C5: variants seen among roughly 807,000 people sequenced by gnomAD.
The protein encoded by C5 is complement C5, also known as C3 and PZP-like alpha-2-macroglobulin domain-containing protein 4.
Under a neutral mutation model 218.8 loss-of-function variants are expected in C5, and 140 were observed. The ratio of observed to expected loss-of-function variants is 0.64; its 90% CI spans 0.56 to 0.74. The LOEUF is 0.74. Ranked by LOEUF, C5 falls within the 30% of genes least tolerant of loss-of-function variation. The pLI is 0.00. For missense variants in C5, 1,700 were observed against 1,969.6 expected (o/e 0.86, Z 2.59); for synonymous variants, 614 against 682.3 (o/e 0.90, Z 1.56).
chr9:121,033,239 G>A (rs936616146), intron 5 of C5, among the ~76,000 whole-genome samples: 1 of 152,120 alleles, frequency 6.6e-6, no homozygotes, highest in Admixed American at 6.5e-5. Context: ...TACAGACAAG[G>A]CCCACCTTAA....
In C5 at chr9:121,013,318, GAA is replaced by G. The variant is rs138938912; in HGVS notation, c.2257+553_2257+554del. On this transcript the variant is annotated intron_variant, in intron 17 of 40. Transcript: ENST00000223642. ...TGGGTGACAGAGCCAGATTCCTACT[GAA>G]AAAAAAAAAAAAAAAGACTATATAT... Among the ~76,000 whole-genome samples the G allele has an allele frequency of 4.2e-4, 42 of 99,228 alleles. No homozygotes were observed. In the South Asian group the frequency reaches 5.7e-3, roughly 13 times the overall value. The allele number at this position is 99,228 out of a possible 152,430, so 65.1% of individuals were successfully genotyped here.
chr9:120,958,076 A>G (rs1304020813), intron 38 of C5, among the ~76,000 whole-genome samples: 1 of 152,182 alleles, frequency 6.6e-6, no homozygotes, highest in East Asian at 1.9e-4. Context: ...TAGTGACCTA[A>G]AAGATTTGTT....
At chr9:121,016,203 G>C in intron 15 of C5, 51 bp downstream of exon 15, 1 of 1,609,528 alleles carries the variant, frequency 6.2e-7, no homozygotes, top group Non-Finnish European at 8.5e-7. Flanking sequence ...TGAGATCTGG[G>C]GGGCAAATGA....
rs776642102 is a variant in C5, at chr9:121,032,129, A to G, written c.651T>C (p.Phe217=). The change falls in exon 6 of 41, where the codon TTT becomes TTC. Residue 217 remains phenylalanine (F), a synonymous_variant. Coordinates refer to ENST00000223642, the MANE Select transcript of C5 (RefSeq NM_001735.3). The part of the protein sequence containing the change: ...EDFSTTGTAY[F]EVKEYVLPHF... ...AGAAATTACCATATTCTTTAACTTC[A>G]AAATATGCGGTTCCAGTTGTTGAAA... is the stretch of plus-strand genomic sequence containing the variant. 12 of 1,602,904 alleles carry G rather than the reference A, an allele frequency of 7.5e-6. No individual in the cohort carries two copies. The Admixed American group carries it at 1.2e-4, about 16-fold the overall frequency.
chr9:121,001,369 G>GA (rs1313754698), intron 20 of C5, among the ~76,000 whole-genome samples: 4 of 152,096 alleles, frequency 2.6e-5, no homozygotes, highest in African/African-American at 4.8e-5. Flanking sequence ...TAGAATACAT[G>GA]AAAGAAGAAA....
chr9:121,043,273 G>A, intron 2 of C5, 107 bp from the exon 3 acceptor site: 2 of 958,176 alleles, frequency 2.1e-6, no homozygotes, highest in East Asian at 2.7e-5. Context: ...GTATGTATAT[G>A]TAATCATTTA....
rs149046334 is a variant in C5 at position 120,982,289 on chromosome 9, C to T, written c.3391-350G>A. ...CCTCCCAAAGTGCTGCAATTACAGGCGTGAGCCACCGCACCTGGCCTCTAC... is the reference window on the plus strand; with the variant it reads ...CCTCCCAAAGTGCTGCAATTACAGGTGTGAGCCACCGCACCTGGCCTCTAC... On this transcript the variant is annotated intron_variant, in intron 26 of 40. Transcript: ENST00000223642. Among the ~76,000 whole-genome samples the T allele has an allele frequency of 2.1e-3, 325 of 152,300 alleles. 1 individual carries two copies. Among genetic ancestry groups the T allele is most frequent in the African/African-American group, 7.5e-3 (311 of 41,566 alleles).
intron 10 of C5, 27 bp downstream of exon 10, chr9:121,023,377 C>T (rs373429003): frequency 5.4e-6 from 7 of 1,294,410 alleles, no homozygotes; most frequent in Non-Finnish European, 7.9e-6. Flanking sequence ...TCATATGTAG[C>T]AACGTCTACC....
At chr9:121,036,557 T>C (rs1004316663) in intron 4 of C5, among the ~76,000 whole-genome samples, 3 of 152,124 alleles carry the variant, frequency 2.0e-5, no homozygotes, top group Admixed American at 2.0e-4. Context: ...AGTCAATCAG[T>C]TTATTTACTA....
chr9:120,989,874 C>G, intron 23 of C5, 94 bp from the exon 24 acceptor site: 17 of 993,254 alleles, frequency 1.7e-5, no homozygotes, highest in Non-Finnish European at 2.2e-5. Context: ...AGAGATGGTT[C>G]TTCCCTTTTT....
chr9:121,039,757 T>A (rs2047560699), intron 3 of C5, among the ~76,000 whole-genome samples: 3 of 152,174 alleles, frequency 2.0e-5, no homozygotes, highest in African/African-American at 7.2e-5. Context: ...CATGCCATTC[T>A]CCTGCCTCAG....
intron 32 of C5, 148 bp downstream of exon 32, chr9:120,970,022 T>A: frequency 1.5e-6 from 1 of 652,498 alleles, no homozygotes; most frequent in Non-Finnish European, 2.7e-6. Flanking sequence ...ATGGAAGTAA[T>A]ATTTACTTGG....
chr9:121,070,223 G>C, the C5 span, among the ~76,000 whole-genome samples: 1 of 151,680 alleles, frequency 6.6e-6, no homozygotes, highest in Non-Finnish European at 1.5e-5. Context: ...TGGGTATGTT[G>C]GCAGGCGCCT....
At chr9:120,990,955 T>C (rs971961713) in intron 23 of C5, among the ~76,000 whole-genome samples, 1 of 152,168 alleles carries the variant, frequency 6.6e-6, no homozygotes, top group Non-Finnish European at 1.5e-5. Flanking sequence ...TGACAGTCCC[T>C]ACCTTCCATT....
chr9:121,023,319 C>G (rs1323610722), intron 10 of C5, 85 bp downstream of exon 10: 1 of 880,664 alleles, frequency 1.1e-6, no homozygotes, highest in Non-Finnish European at 1.9e-6. Flanking sequence ...TGGCAACATT[C>G]TTACCCTGTT....
At chr9:120,964,828 TGAA>T (rs1461389231) in intron 33 of C5, among the ~76,000 whole-genome samples, 5 of 152,224 alleles carry the variant, frequency 3.3e-5, no homozygotes, top group African/African-American at 1.2e-4. Flanking sequence ...AAATTAACTG[TGAA>T]GAAGTATAAG....
At chr9:120,992,798 TAAGAG>T (rs2047086786) in intron 22 of C5, among the ~76,000 whole-genome samples, 1 of 152,216 alleles carries the variant, frequency 6.6e-6, no homozygotes, top group African/African-American at 2.4e-5. Flanking sequence ...CTTTGTGAAC[TAAGAG>T]TAGAGAAAGA....
At chr9:120,989,194 C>T (rs1042800620) in intron 24 of C5, 73 bp from the exon 25 acceptor site, 1 of 1,199,470 alleles carries the variant, frequency 8.3e-7, no homozygotes, top group African/African-American at 1.5e-5. Flanking sequence ...TTTATCAGGC[C>T]CTGAGAATGG....
At position 120,984,868 on chromosome 9, in the gene C5, C is replaced by T. The variant is rs1173108325; in HGVS notation, c.3231-2054G>A. ...TCCTGAGTAGGTGGGACTACAGGCA[C>T]GTGCCACCATGCCAAGCTAATTTTT... is the stretch of plus-strand genomic sequence containing the variant. On this transcript the variant is annotated intron_variant, in intron 25 of 40. Transcript: ENST00000223642. 6.6e-5 allele frequency among the ~76,000 whole-genome samples: 10 copies of T among 151,854 alleles called. 1 individual carries two copies. Among genetic ancestry groups the T allele is most frequent in the Admixed American group, 4.6e-4 (7 of 15,240 alleles).
Sources: gnomAD v4.1 joint callset for allele counts (sites outside exome capture counted in the v4.1 genomes callset) on GRCh38, gnomAD v4.1.1 for gene constraint, MANE v1.5 for transcripts, NCBI Gene and HGNC (gene_info 2026-07-23, HGNC 2026-07-21) for gene names.